The following FSHR variants were observed in gnomAD, a reference collection of about 807,000 sequenced individuals.
FSHR encodes follicle stimulating hormone receptor.
A neutral mutation model predicts 52.1 loss-of-function variants in FSHR; 46 were observed. The observed-to-expected ratio is 0.88, with a 90% confidence interval of 0.70 to 1.13. The LOEUF (loss-of-function observed/expected upper bound fraction) is 1.13, where lower values mean the gene tolerates loss of function less well. Among genes scored for constraint, FSHR ranks in the 50% most tolerant of loss-of-function variants. FSHR has a pLI of 0.00. For missense variants in FSHR, 964 were observed against 834.6 expected, an observed-to-expected ratio of 1.16 and a Z score of -1.91; for synonymous variants, 399 against 309.6, an observed-to-expected ratio of 1.29 and a Z score of -3.03.
chr2:49,071,631 A>G (rs1016810867), intron 1 of FSHR, among the ~76,000 whole-genome samples: 2 of 152,182 alleles, frequency 1.3e-5, no homozygotes, highest in Non-Finnish European at 2.9e-5. Context: ...TTGTGTTGCT[A>G]TAAAGGAATA....
intron 1 of FSHR, among the ~76,000 whole-genome samples, chr2:49,073,237 G>A (rs1354544541): frequency 6.6e-6 from 1 of 151,964 alleles, no homozygotes; most frequent in African/African-American, 2.4e-5. Flanking sequence ...AGAAATAAAG[G>A]TCATCCAAAT....
At chr2:49,123,854 T>C (rs1010828406) in intron 1 of FSHR, among the ~76,000 whole-genome samples, 1 of 152,108 alleles carries the variant, frequency 6.6e-6, no homozygotes, top group Non-Finnish European at 1.5e-5. Context: ...AGGGTTCTCT[T>C]TGCGTCTTCA....
intron 1 of FSHR, among the ~76,000 whole-genome samples, chr2:49,113,273 A>G (rs1011662354): frequency 6.6e-6 from 1 of 152,188 alleles, no homozygotes; most frequent in Non-Finnish European, 1.5e-5. Flanking sequence ...TCGCCAAAAC[A>G]GGGATTGGAA....
chr2:49,108,125 G>A (rs1033887374), intron 1 of FSHR, among the ~76,000 whole-genome samples: 2 of 152,078 alleles, frequency 1.3e-5, no homozygotes, highest in African/African-American at 4.8e-5. Context: ...ATGTTGAGGA[G>A]GATAAATTCA....
chr2:49,091,368 A>T (rs1670602562), intron 1 of FSHR, among the ~76,000 whole-genome samples: 1 of 152,166 alleles, frequency 6.6e-6, no homozygotes, highest in Admixed American at 6.5e-5. Flanking sequence ...CAGTAGCATC[A>T]TCACGGCTCT....
intron 4 of FSHR, among the ~76,000 whole-genome samples, chr2:49,004,144 C>A (rs1356908159): frequency 1.3e-5 from 2 of 152,154 alleles, no homozygotes; most frequent in Non-Finnish European, 2.9e-5. Context: ...CCCAGGCCAG[C>A]TCTAATGGCT....
intron 1 of FSHR, among the ~76,000 whole-genome samples, chr2:49,090,973 T>C (rs1339560625): frequency 6.6e-6 from 1 of 152,094 alleles, no homozygotes; most frequent in Non-Finnish European, 1.5e-5. Context: ...CTTGTTTTCT[T>C]TCTGGAGTTT....
chr2:49,059,218 TAATAA>T (rs1322002719), intron 2 of FSHR, among the ~76,000 whole-genome samples: 14 of 151,014 alleles, frequency 9.3e-5, no homozygotes, highest in African/African-American at 7.3e-5. Context: ...AAAAAAATAA[TAATAA>T]AATAAAACAG....
chr2:49,095,253 G>A (rs1477752328), intron 1 of FSHR, among the ~76,000 whole-genome samples: 2 of 152,146 alleles, frequency 1.3e-5, no homozygotes, highest in Non-Finnish European at 2.9e-5. Context: ...GTAATAAGAT[G>A]TGGTAGCAGT....
chr2:49,017,482 T>A lies in FSHR; in HGVS notation c.374+7A>T, dbSNP rs899820797. The A allele has an allele frequency of 2.5e-6, 4 of 1,605,932 alleles. No individual in the cohort carries two copies. The highest frequency in any genetic ancestry group is 3.4e-6 in the Non-Finnish European group (4 of 1,173,136). On this transcript the variant is annotated splice_region_variant and intron_variant, in intron 4 of 9. Transcript: ENST00000406846. Reference sequence around the variant, plus strand: ...TAGTGGGGGTACCAAACTACATGAGTTCTTACAGATATTGAAGGTTGGGAA... The same window carrying A: ...TAGTGGGGGTACCAAACTACATGAGATCTTACAGATATTGAAGGTTGGGAA...
intron 2 of FSHR, among the ~76,000 whole-genome samples, chr2:49,021,886 T>TATATATATATAGAGAGAGAGAG (rs1273265515): frequency 4.0e-5 from 1 of 25,124 alleles, no homozygotes; most frequent in African/African-American, 1.5e-4. Flanking sequence ...TATATATATA[T>TATATATATATAGAGAGAGAGAG]AGAGAGAGAG....
intron 2 of FSHR, among the ~76,000 whole-genome samples, chr2:49,030,469 C>A (rs918503943): frequency 6.6e-6 from 1 of 152,148 alleles, no homozygotes; most frequent in Non-Finnish European, 1.5e-5. Flanking sequence ...CCTCTGTTTT[C>A]ACTCTGTAAT....
chr2:49,073,157 G>T (rs188843057), intron 1 of FSHR, among the ~76,000 whole-genome samples: 5 of 152,086 alleles, frequency 3.3e-5, no homozygotes, highest in Admixed American at 2.6e-4. Flanking sequence ...ACACGACAAG[G>T]ATGCCCACTC....
At position 49,127,839 on chromosome 2, in the gene FSHR, TTC is replaced by T. The variant is rs1558456756; in HGVS notation, c.152+26425_152+26426del. ...CTTCTTCTTCTTCTTCCTCTTCTTC[TTC>T]TTCTTCTTCTTCTTCTTCTTCTTCT... On this transcript the variant is annotated intron_variant, in intron 1 of 9. Coordinates refer to ENST00000406846, the MANE Select transcript of FSHR (RefSeq NM_000145.4). 1.7e-3 allele frequency among the ~76,000 whole-genome samples: 23 copies of T among 13,430 alleles called. 3 individuals are homozygous for T. The highest frequency in any genetic ancestry group is 0.012 in the African/African-American group (21 of 1,754). 8.8% of individuals were successfully genotyped at this position (13,430 alleles called of 152,430 possible). A position where few individuals can be genotyped will look rare whatever the true frequency, so the allele number is the denominator to read the frequency against.
At chr2:49,002,532 A>G (rs1666935519) in intron 4 of FSHR, among the ~76,000 whole-genome samples, 1 of 152,090 alleles carries the variant, frequency 6.6e-6, no homozygotes, top group African/African-American at 2.4e-5. Flanking sequence ...GGGGGAGCAA[A>G]CATGCCTTCT....
intron 1 of FSHR, among the ~76,000 whole-genome samples, chr2:49,082,738 G>A (rs1377032526): frequency 6.6e-6 from 1 of 152,098 alleles, no homozygotes; most frequent in Admixed American, 6.5e-5. Context: ...TGGAAGAAAG[G>A]GTATCAGCGA....
At chr2:49,102,011 A>G (rs11889194) in intron 1 of FSHR, among the ~76,000 whole-genome samples, 6,374 of 152,200 alleles carry the variant, frequency 0.042, 434 homozygotes, top group African/African-American at 0.15. Flanking sequence ...CTACTTCTCA[A>G]TACTACCACA....
At chr2:49,065,596 G>A (rs1669473292) in intron 2 of FSHR, among the ~76,000 whole-genome samples, 1 of 152,052 alleles carries the variant, frequency 6.6e-6, no homozygotes, top group Non-Finnish European at 1.5e-5. Context: ...TTGAATTCCA[G>A]GTATTTGCAG....
At chr2:49,091,189 A>T (rs554731459) in intron 1 of FSHR, among the ~76,000 whole-genome samples, 52 of 152,168 alleles carry the variant, frequency 3.4e-4, no homozygotes, top group Admixed American at 3.1e-3. Flanking sequence ...CTTTGCCTAA[A>T]ATCATGGAGA....
Sources: allele counts gnomAD v4.1 joint callset (sites outside exome capture counted in the v4.1 genomes callset), GRCh38; gene constraint gnomAD v4.1.1; transcripts MANE v1.5; gene names NCBI Gene and HGNC (gene_info 2026-07-23, HGNC 2026-07-21).